The following PDE1A variants were observed in gnomAD, a reference collection of about 807,000 sequenced individuals.
PDE1A encodes the protein phosphodiesterase 1A.
PDE1A carries 35 observed loss-of-function variants against 61.7 expected under a neutral mutation model. The ratio of observed to expected loss-of-function variants is 0.57; its 90% CI spans 0.43 to 0.75. The LOEUF is 0.75. Among genes scored for constraint, PDE1A ranks in the 30% least tolerant of loss-of-function variants. The pLI is 0.00. For synonymous variants in PDE1A, 232 were observed against 213.2 expected, an observed-to-expected ratio of 1.09 and a Z score of -0.77; for missense variants, 597 against 630.6, an observed-to-expected ratio of 0.95 and a Z score of 0.57.
intron 1 of PDE1A, among the ~76,000 whole-genome samples, chr2:182,414,351 C>T (rs188539879): frequency 9.2e-5 from 14 of 152,180 alleles, no homozygotes; most frequent in African/African-American, 3.4e-4. Flanking sequence ...ATGTGGAATT[C>T]CAGACCCCCC....
At chr2:182,542,596 A>T in the PDE1A span, among the ~76,000 whole-genome samples, 7,837 of 152,268 alleles carry the variant, frequency 0.051, 446 homozygotes, top group African/African-American at 0.14. Context: ...AATCTCATTT[A>T]ATCCTTCATA....
intron 13 of PDE1A, among the ~76,000 whole-genome samples, chr2:182,148,812 G>A (rs1460692211): frequency 6.6e-6 from 1 of 152,094 alleles, no homozygotes; most frequent in Non-Finnish European, 1.5e-5. Context: ...CTCTCCAAGG[G>A]TCTTGGTGAA....
At chr2:182,646,687 A>T in the PDE1A span, among the ~76,000 whole-genome samples, 2 of 148,054 alleles carry the variant, frequency 1.4e-5, no homozygotes, top group East Asian at 3.9e-4. Flanking sequence ...CCATCTAGGA[A>T]AAAAAAAAAA....
chr2:182,238,774 T>C (rs1335513383), intron 3 of PDE1A, among the ~76,000 whole-genome samples: 1 of 152,210 alleles, frequency 6.6e-6, no homozygotes, highest in Non-Finnish European at 1.5e-5. Context: ...GGCTACTAAA[T>C]GTGTTTTATG....
intron 2 of PDE1A, among the ~76,000 whole-genome samples, chr2:182,495,669 A>G (rs1193213894): frequency 6.6e-6 from 1 of 152,188 alleles, no homozygotes; most frequent in Non-Finnish European, 1.5e-5. Context: ...GGCAACAAGT[A>G]GTCTCTGAGC....
At chr2:182,205,980 C>G in exon 8 of PDE1A, 1 of 1,610,786 alleles carries the variant, frequency 6.2e-7, no homozygotes, top group Non-Finnish European at 8.5e-7. Context: ...ATATTCATTT[C>G]TTCTTCTTGC....
chr2:182,394,844 A>G (rs1701614514), intron 1 of PDE1A, among the ~76,000 whole-genome samples: 1 of 152,220 alleles, frequency 6.6e-6, no homozygotes, highest in Non-Finnish European at 1.5e-5. Flanking sequence ...AAGCCTTTAG[A>G]GCTGCCTCCA....
At chr2:182,443,050 G>A (rs1684895225) in intron 2 of PDE1A, among the ~76,000 whole-genome samples, 1 of 151,930 alleles carries the variant, frequency 6.6e-6, no homozygotes, top group African/African-American at 2.4e-5. Flanking sequence ...AGGGGGTTCA[G>A]GTAAATCCCC....
chr2:182,599,878 C>A, the PDE1A span, among the ~76,000 whole-genome samples: 2 of 152,258 alleles, frequency 1.3e-5, no homozygotes, highest in East Asian at 3.9e-4. Context: ...TAAATAATTA[C>A]ATGTACCAGA....
chr2:182,580,058 A>G, the PDE1A span, among the ~76,000 whole-genome samples: 1 of 152,230 alleles, frequency 6.6e-6, no homozygotes, highest in African/African-American at 2.4e-5. Flanking sequence ...TACTCCTTTG[A>G]TAACTAAAAT....
chr2:182,576,871 T>C, the PDE1A span, among the ~76,000 whole-genome samples: 1 of 152,202 alleles, frequency 6.6e-6, no homozygotes, highest in Admixed American at 6.5e-5. Flanking sequence ...ATAAGCATCT[T>C]TTCATATATA....
intron 13 of PDE1A, among the ~76,000 whole-genome samples, chr2:182,160,807 C>A (rs1691338602): frequency 6.6e-6 from 1 of 152,116 alleles, no homozygotes; most frequent in African/African-American, 2.4e-5. Flanking sequence ...TTGGTTCTGT[C>A]CCCCTGGAGA....
chr2:182,366,608 A>G (rs1699851040), intron 1 of PDE1A, among the ~76,000 whole-genome samples: 2 of 140,592 alleles, frequency 1.4e-5, no homozygotes, highest in South Asian at 5.0e-4. Context: ...AATATGGACA[A>G]TATGAAATTG....
intron 1 of PDE1A, among the ~76,000 whole-genome samples, chr2:182,277,368 GT>G (rs1217552946): frequency 6.6e-6 from 1 of 152,054 alleles, no homozygotes; most frequent in African/African-American, 2.4e-5. Flanking sequence ...AAGAATATAC[GT>G]TGAAATATTG....
intron 1 of PDE1A, among the ~76,000 whole-genome samples, chr2:182,412,104 G>C (rs1032612639): frequency 6.6e-6 from 1 of 151,684 alleles, no homozygotes; most frequent in East Asian, 1.9e-4. Flanking sequence ...TTAAGTGTTG[G>C]AGTCGAGAAA....
At chr2:182,519,559 T>G (rs1016780771) in intron 2 of PDE1A, among the ~76,000 whole-genome samples, 25 of 152,060 alleles carry the variant, frequency 1.6e-4, no homozygotes, top group African/African-American at 5.8e-4. Context: ...TAACTTTATA[T>G]GGTGTCTCAA....
At chr2:182,338,620 G>T (rs1347252750) in intron 1 of PDE1A, among the ~76,000 whole-genome samples, 2 of 151,910 alleles carry the variant, frequency 1.3e-5, no homozygotes, top group South Asian at 2.1e-4. Context: ...TGCCTCCCAG[G>T]TTCAGCCATT....
At chr2:182,489,889 A>G (rs1281442405) in intron 2 of PDE1A, among the ~76,000 whole-genome samples, 3 of 152,216 alleles carry the variant, frequency 2.0e-5, no homozygotes, top group African/African-American at 4.8e-5. Context: ...GATGGAATAT[A>G]GCACCATGAT....
intron 1 of PDE1A, 28 bp from the exon 2 acceptor site, chr2:182,264,442 A>G: frequency 6.6e-7 from 1 of 1,511,440 alleles, no homozygotes; most frequent in African/African-American, 1.4e-5. Flanking sequence ...CCAAAGAGAG[A>G]AAGAGCAAGG....
Sources: gnomAD v4.1 joint callset for allele counts (sites outside exome capture counted in the v4.1 genomes callset) on GRCh38, gnomAD v4.1.1 for gene constraint, MANE v1.5 for transcripts, NCBI Gene and HGNC (gene_info 2026-07-23, HGNC 2026-07-21) for gene names.